Variants in GFOD1 observed in about 807,000 individuals in gnomAD.
The protein encoded by GFOD1 is glucose-fructose oxidoreductase domain-containing protein 1.
GFOD1 carries 9 observed loss-of-function variants against 25.4 expected under a neutral mutation model. That is an observed-to-expected ratio of 0.35 (90% confidence interval 0.21 to 0.62). The LOEUF (loss-of-function observed/expected upper bound fraction) is 0.62. GFOD1 is among the 20% of genes least tolerant of loss of function. The pLI, the probability that GFOD1 is intolerant of heterozygous loss-of-function variation, is 0.72. For missense variants in GFOD1, 403 were observed against 556.9 expected (o/e 0.72, Z 2.78); for synonymous variants, 253 against 245.6 (o/e 1.03, Z -0.28).
chr6:13,442,868 T>C (rs1158521488), intron 1 of GFOD1, among the ~76,000 whole-genome samples: 1 of 152,216 alleles, frequency 6.6e-6, no homozygotes, highest in East Asian at 1.9e-4. Flanking sequence ...CTGTAGCCCA[T>C]GGATCAAAGA....
chr6:13,447,505 G>C (rs1758021796), intron 1 of GFOD1, among the ~76,000 whole-genome samples: 1 of 152,084 alleles, frequency 6.6e-6, no homozygotes, highest in South Asian at 2.1e-4. Context: ...GGGAGGCTGA[G>C]GTAGGCAGAT....
intron 1 of GFOD1, among the ~76,000 whole-genome samples, chr6:13,372,725 G>T (rs1006782092): frequency 3.3e-5 from 5 of 152,178 alleles, no homozygotes; most frequent in African/African-American, 1.2e-4. Context: ...AGGGACCAGG[G>T]CTGTTCCCTA....
rs1420826599 is a variant in GFOD1, at chr6:13,358,752, A to G, written c.*5991T>C. The G allele has an allele frequency of 6.6e-6, 1 of 152,202 alleles. No individual in the cohort carries two copies. The highest frequency in any genetic ancestry group is 1.5e-5 in the Non-Finnish European group (1 of 68,098). The allele number at this position is 152,202 out of a possible 1,614,324, so 9.4% of individuals were successfully genotyped here. On this transcript the variant is annotated 3_prime_UTR_variant, in exon 2 of 2. Coordinates refer to ENST00000379287, the MANE Select transcript of GFOD1 (RefSeq NM_018988.4). ...GGAGAGAGACAGTGACCTGGTGACAACTCCATGACTATTGTCTAGCCCCTG... is the reference window on the plus strand; with the variant it reads ...GGAGAGAGACAGTGACCTGGTGACAGCTCCATGACTATTGTCTAGCCCCTG...
At chr6:13,409,014 G>A (rs1785997661) in intron 1 of GFOD1, among the ~76,000 whole-genome samples, 1 of 151,412 alleles carries the variant, frequency 6.6e-6, no homozygotes, top group Admixed American at 6.6e-5. Flanking sequence ...GAACCAGGGA[G>A]GTGGAGGTTG....
chr6:13,394,728 G>A (rs1279269475), intron 1 of GFOD1, among the ~76,000 whole-genome samples: 1 of 151,954 alleles, frequency 6.6e-6, no homozygotes, highest in African/African-American at 2.4e-5. Flanking sequence ...CACCTCCTGG[G>A]TTCAAGTGAT....
intron 1 of GFOD1, among the ~76,000 whole-genome samples, chr6:13,407,153 A>G (rs1268366110): frequency 6.6e-6 from 1 of 152,228 alleles, no homozygotes; most frequent in Non-Finnish European, 1.5e-5. Flanking sequence ...GCGCCAAGAC[A>G]GAGGATCCTG....
At chr6:13,441,883 G>A (rs1214979394) in intron 1 of GFOD1, among the ~76,000 whole-genome samples, 1 of 152,206 alleles carries the variant, frequency 6.6e-6, no homozygotes, top group Non-Finnish European at 1.5e-5. Context: ...TTAGGAGCAT[G>A]TGTGGCTGCA....
Position 13,388,736 on chromosome 6 carries a change from C to T in GFOD1, c.254-23074G>A, listed in dbSNP as rs1024294832. 1.1e-4 allele frequency among the ~76,000 whole-genome samples: 17 copies of T among 152,198 alleles called. No homozygotes were observed. In the East Asian group the frequency reaches 1.2e-3, roughly 10 times the overall value. On this transcript the variant is annotated intron_variant, in intron 1 of 1. Coordinates refer to ENST00000379287, the MANE Select transcript of GFOD1 (RefSeq NM_018988.4). ...TTCATGACTAAAACACCAAAAGCAA[C>T]GGCAACAAAAGCCAACATTGACAAA...
intron 1 of GFOD1, among the ~76,000 whole-genome samples, chr6:13,389,621 G>A (rs1001068701): frequency 5.3e-5 from 8 of 152,014 alleles, no homozygotes; most frequent in Admixed American, 1.3e-4. Flanking sequence ...TGGGGGGTGC[G>A]GGGTGGGGGA....
intron 1 of GFOD1, among the ~76,000 whole-genome samples, chr6:13,479,647 T>A (rs1210845715): frequency 6.6e-6 from 1 of 152,258 alleles, no homozygotes; most frequent in Non-Finnish European, 1.5e-5. Flanking sequence ...ATTTAGCTTC[T>A]TCTCCCTCCA....
At chr6:13,406,220 C>T (rs1203279866) in intron 1 of GFOD1, among the ~76,000 whole-genome samples, 2 of 152,186 alleles carry the variant, frequency 1.3e-5, no homozygotes, top group East Asian at 3.8e-4. Context: ...AGGGACGTCA[C>T]TATAAACCCA....
At chr6:13,390,815 G>A (rs897596404) in intron 1 of GFOD1, among the ~76,000 whole-genome samples, 1 of 151,402 alleles carries the variant, frequency 6.6e-6, no homozygotes, top group Admixed American at 6.6e-5. Context: ...AAGGAAGGAA[G>A]GAAGGAAGGA....
At chr6:13,469,798 C>T in intron 1 of GFOD1, 1 of 1,120,134 alleles carries the variant, frequency 8.9e-7, no homozygotes, top group Non-Finnish European at 1.2e-6. Context: ...TGAAATTTCT[C>T]ACTTGTAAGA....
intron 1 of GFOD1, among the ~76,000 whole-genome samples, chr6:13,453,862 C>A (rs1242739111): frequency 1.3e-5 from 2 of 152,214 alleles, no homozygotes; most frequent in Non-Finnish European, 2.9e-5. Flanking sequence ...GATCACATGA[C>A]CTCTCACATA....
Position 13,394,359 on chromosome 6 carries a change from C to T in GFOD1, c.254-28697G>A, listed in dbSNP as rs116720097. Among the ~76,000 whole-genome samples, 571 of 151,304 alleles carry T rather than the reference C, an allele frequency of 3.8e-3. 2 individuals are homozygous for T. The highest frequency in any genetic ancestry group is 0.013 in the African/African-American group (531 of 41,238). ...GCTTGAATTTATGTAGAATATCTCT[C>T]GGAAGGAACACTGATAACTTTGGTC... On this transcript the variant is annotated intron_variant, in intron 1 of 1. Transcript: ENST00000379287.
At chr6:13,470,372 C>G (rs774038118) in intron 1 of GFOD1, 45 of 1,550,562 alleles carry the variant, frequency 2.9e-5, no homozygotes, top group Middle Eastern at 2.1e-4. Context: ...TTGTGGTCCC[C>G]GTGGGCCTCC....
chr6:13,409,150 AG>A (rs557222303), intron 1 of GFOD1, among the ~76,000 whole-genome samples: 1,230 of 15,350 alleles, frequency 0.08, 147 homozygotes, highest in African/African-American at 0.1. Flanking sequence ...AGAAAGAAAG[AG>A]AGGAAAGAAA....
At chr6:13,391,172 TTTTG>T (rs1785597455) in intron 1 of GFOD1, among the ~76,000 whole-genome samples, 1 of 152,184 alleles carries the variant, frequency 6.6e-6, no homozygotes, top group Non-Finnish European at 1.5e-5. Context: ...CATTCGATTT[TTTTG>T]TTTGAGTGAA....
At chr6:13,483,669 C>G (rs950481218) in intron 1 of GFOD1, among the ~76,000 whole-genome samples, 4 of 152,090 alleles carry the variant, frequency 2.6e-5, no homozygotes, top group African/African-American at 9.7e-5. Context: ...GTTTGGGAAC[C>G]GATTCCAGGG....
Sources: gnomAD v4.1 joint callset for allele counts (sites outside exome capture counted in the v4.1 genomes callset) on GRCh38, gnomAD v4.1.1 for gene constraint, MANE v1.5 for transcripts, NCBI Gene and HGNC (gene_info 2026-07-23, HGNC 2026-07-21) for gene names.